The following PATJ variants were observed in gnomAD, a reference collection of about 807,000 sequenced individuals.
PATJ encodes inaD-like protein.
A neutral mutation model predicts 224.9 loss-of-function variants in PATJ; 190 were observed. That is an observed-to-expected ratio of 0.84 (90% confidence interval 0.75 to 0.95). The LOEUF (loss-of-function observed/expected upper bound fraction) is 0.95, where lower values mean the gene tolerates loss of function less well. Ranked by LOEUF, PATJ falls within the 40% of genes least tolerant of loss-of-function variation. The probability of loss-of-function intolerance (pLI) is 0.00; values close to 1 mark genes in which losing one functional copy is unlikely to be tolerated. For missense variants in PATJ, 2,121 were observed against 2,270.3 expected (o/e 0.93, Z 1.34); for synonymous variants, 769 against 820.3 (o/e 0.94, Z 1.07).
At position 61,975,651 on chromosome 1, in the gene PATJ, G is replaced by C. The variant is rs1644088378; in HGVS notation, c.3671-14517G>C. ...CCTGTCAGCCCTCCTTCCCACTGTC[G>C]AGTGGTAATTCATCTCCAAACACTG... On this transcript the variant is annotated intron_variant, in intron 27 of 43. Coordinates refer to ENST00000642238, the MANE Select transcript of PATJ (RefSeq NM_001350145.3). Among the ~76,000 whole-genome samples, 2 of 151,868 alleles carry C rather than the reference G, an allele frequency of 1.3e-5. 1 individual carries two copies. The highest frequency in any genetic ancestry group is 1.3e-4 in the Admixed American group (2 of 15,256).
intron 28 of PATJ, among the ~76,000 whole-genome samples, chr1:62,013,965 G>C (rs1392423998): frequency 1.3e-5 from 2 of 152,156 alleles, no homozygotes; most frequent in Non-Finnish European, 2.9e-5. Context: ...GTAGAGACAG[G>C]GTTTCGCCAT....
chr1:62,082,179 T>C (rs1277220546), intron 32 of PATJ, among the ~76,000 whole-genome samples: 1 of 151,956 alleles, frequency 6.6e-6, no homozygotes, highest in Non-Finnish European at 1.5e-5. Context: ...GGCCATAGGC[T>C]ACTTCTAAAT....
rs539282826 is a variant in PATJ, at chr1:61,994,556, CT to C, written c.3867+4204del. 2.2e-3 allele frequency among the ~76,000 whole-genome samples: 319 copies of C among 144,868 alleles called. 3 individuals carry two copies. The highest frequency in any genetic ancestry group is 5.5e-3 in the African/African-American group (218 of 39,818). ...AATGGAAAAATGCATATACAGGATT[CT>C]TTTTTTTTTTTCCCAAGACAGAGTT... On this transcript the variant is annotated intron_variant, in intron 28 of 43. Transcript: ENST00000642238.
chr1:62,123,009 G>A lies in PATJ; in HGVS notation c.5006-12G>A. 1 of 1,553,350 alleles carries A rather than the reference G, an allele frequency of 6.4e-7. No individual in the cohort carries two copies. ...TTAATATTAAAAAGTTAATTGTGTT[G>A]CTTCTTTATAGGCACAGATATGGAA... is the stretch of plus-strand genomic sequence containing the variant. On this transcript the variant is annotated splice_polypyrimidine_tract_variant and intron_variant, in intron 38 of 43. Coordinates refer to ENST00000642238, the MANE Select transcript of PATJ (RefSeq NM_001350145.3).
chr1:61,802,695 A>G (rs112818657), intron 12 of PATJ, among the ~76,000 whole-genome samples: 13 of 152,268 alleles, frequency 8.5e-5, no homozygotes, highest in African/African-American at 2.6e-4. Context: ...ATGCATTTCT[A>G]TAAGTTGCAT....
At chr1:62,122,199 T>C (rs1665143333) in intron 38 of PATJ, among the ~76,000 whole-genome samples, 1 of 151,244 alleles carries the variant, frequency 6.6e-6, no homozygotes, top group Non-Finnish European at 1.5e-5. Flanking sequence ...ACCTCGCCTG[T>C]ACTAAAAATA....
At chr1:61,822,255 A>G (rs1657420326) in intron 14 of PATJ, among the ~76,000 whole-genome samples, 1 of 152,040 alleles carries the variant, frequency 6.6e-6, no homozygotes, top group African/African-American at 2.4e-5. Flanking sequence ...CCTCGTCTCT[A>G]CTAAAAATAC....
At chr1:61,879,204 T>C (rs1033813758) in intron 21 of PATJ, among the ~76,000 whole-genome samples, 1 of 152,240 alleles carries the variant, frequency 6.6e-6, no homozygotes, top group Non-Finnish European at 1.5e-5. Context: ...GAGTGATTAA[T>C]GGGTTTATGC....
intron 7 of PATJ, among the ~76,000 whole-genome samples, chr1:61,782,158 G>C (rs79821887): frequency 1.4e-4 from 21 of 152,324 alleles, no homozygotes; most frequent in African/African-American, 4.3e-4. Flanking sequence ...AAGCTCCCAG[G>C]TGTTAGCCAA....
chr1:61,959,059 T>A (rs1366120317), intron 27 of PATJ, among the ~76,000 whole-genome samples: 1 of 152,010 alleles, frequency 6.6e-6, no homozygotes, highest in Non-Finnish European at 1.5e-5. Flanking sequence ...ATTTGGGGGA[T>A]TGAAAGGAGG....
At position 61,771,583 on chromosome 1, in the gene PATJ, G is replaced by A. The variant is rs568316843; in HGVS notation, c.677G>A (p.Ser226Asn). 1.9e-6 allele frequency: 3 copies of A among 1,609,954 alleles called. No individual in the cohort carries two copies. The highest frequency in any genetic ancestry group is 2.5e-6 in the Non-Finnish European group (3 of 1,178,866). The change falls in exon 6 of 44, where the codon AGC becomes AAC. Residue 226 changes from serine to asparagine, a missense_variant. Transcript: ENST00000642238. Reference protein sequence around the residue: ...IVAREPVHTKSSTSSSLNDTT... With the variant: ...IVAREPVHTKNSTSSSLNDTT... ...GCCAGGGAACCAGTCCACACAAAAA[G>A]CAGTACTTCTAGCAGCCTAAATGAT...
chr1:61,757,066 TTG>T lies in PATJ; in HGVS notation c.-35-5788_-35-5787del, dbSNP rs1217327289. Among the ~76,000 whole-genome samples, 5 of 143,312 alleles carry T rather than the reference TTG, an allele frequency of 3.5e-5. No individual in the cohort carries two copies. The East Asian group carries it at 1.1e-3, about 30-fold the overall frequency. 94.0% of individuals were successfully genotyped at this position (143,312 alleles called of 152,430 possible). On this transcript the variant is annotated intron_variant, in intron 1 of 43. Coordinates refer to ENST00000642238, the MANE Select transcript of PATJ (RefSeq NM_001350145.3). ...TTGCAGACTGTCATGGCCATCGTTT[TTG>T]TGTCACTTTTACTTTTTTTTTTTTT... is the stretch of plus-strand genomic sequence containing the variant.
intron 33 of PATJ, among the ~76,000 whole-genome samples, chr1:62,091,882 C>T (rs1558155856): frequency 6.6e-6 from 1 of 151,952 alleles, no homozygotes; most frequent in Non-Finnish European, 1.5e-5. Flanking sequence ...ATGGCAAAAC[C>T]CTGTCTCTAC....
At chr1:61,931,113 G>C (rs901642688) in intron 27 of PATJ, among the ~76,000 whole-genome samples, 2 of 152,190 alleles carry the variant, frequency 1.3e-5, no homozygotes, top group Non-Finnish European at 1.5e-5. Context: ...ATAGGCGTGA[G>C]CCATCACACA....
At position 62,078,024 on chromosome 1, in the gene PATJ, C is replaced by T. The variant is rs149729082; in HGVS notation, c.4126-1426C>T. 5.9e-5 allele frequency among the ~76,000 whole-genome samples: 9 copies of T among 152,354 alleles called. No individual in the cohort carries two copies. The East Asian group carries it at 1.3e-3, about 23-fold the overall frequency. Reference sequence around the variant, plus strand: ...ATGGTATTGTTTTGTTGTTACTGCACACTGCACAATGCCCTGTATTGAGGC... The same window carrying T: ...ATGGTATTGTTTTGTTGTTACTGCATACTGCACAATGCCCTGTATTGAGGC... On this transcript the variant is annotated intron_variant, in intron 31 of 43. Coordinates refer to ENST00000642238, the MANE Select transcript of PATJ (RefSeq NM_001350145.3).
intron 26 of PATJ, among the ~76,000 whole-genome samples, chr1:61,922,397 G>C (rs1674468424): frequency 6.6e-6 from 1 of 152,170 alleles, no homozygotes; most frequent in Non-Finnish European, 1.5e-5. Context: ...CCCACAAAAT[G>C]TGACATCTGG....
chr1:61,872,543 C>G (rs1178977029), intron 20 of PATJ, among the ~76,000 whole-genome samples: 1 of 152,188 alleles, frequency 6.6e-6, no homozygotes, highest in Admixed American at 6.5e-5. Flanking sequence ...TACCAGGCTG[C>G]TTTCCCAAAA....
At chr1:61,797,949 T>C (rs535473100) in intron 11 of PATJ, among the ~76,000 whole-genome samples, 1 of 151,946 alleles carries the variant, frequency 6.6e-6, no homozygotes, top group East Asian at 2.0e-4. Flanking sequence ...ACTACAGGCA[T>C]GTGCCACCAC....
intron 26 of PATJ, among the ~76,000 whole-genome samples, chr1:61,917,018 C>T (rs1673550067): frequency 6.6e-6 from 1 of 152,164 alleles, no homozygotes. Context: ...ATAATAGTAA[C>T]ATTATCCATG....
Sources: allele counts gnomAD v4.1 joint callset (sites outside exome capture counted in the v4.1 genomes callset), GRCh38; gene constraint gnomAD v4.1.1; transcripts MANE v1.5; gene names NCBI Gene and HGNC (gene_info 2026-07-23, HGNC 2026-07-21).